The following SEC22A variants were observed in gnomAD, a reference collection of about 807,000 sequenced individuals.
SEC22A encodes SEC22 homolog A, vesicle trafficking protein, also known as vesicle-trafficking protein SEC22a.
SEC22A carries 22 observed loss-of-function variants against 35.3 expected under a neutral mutation model. The ratio of observed to expected loss-of-function variants is 0.62; its 90% confidence interval spans 0.45 to 0.89. The LOEUF (loss-of-function observed/expected upper bound fraction) is 0.89. SEC22A is among the 40% of genes least tolerant of loss of function. SEC22A has a pLI of 0.00. For synonymous variants in SEC22A, 119 were observed against 129.5 expected (o/e 0.92, Z 0.55); for missense variants, 354 against 362.5 (o/e 0.98, Z 0.19).
At position 123,246,130 on chromosome 3, in the gene SEC22A, T is replaced by G. The variant is rs1938706240; in HGVS notation, c.657+116T>G. The G allele has an allele frequency of 1.7e-5, 10 of 605,052 alleles. 1 individual carries two copies. The highest frequency in any genetic ancestry group is 3.0e-5 in the Non-Finnish European group (10 of 337,868). 37.5% of individuals were successfully genotyped at this position (605,052 alleles called of 1,614,324 possible). The stretch of plus-strand genomic sequence containing the variant: ...ATTTACAGTGCATACTCAAAATCTA[T>G]GTTTTTTTATATCTGCTTTAGCCTC... On this transcript the variant is annotated intron_variant, in intron 5 of 6. Transcript: ENST00000492595.
In SEC22A at chr3:123,271,803, G is replaced by C; in HGVS notation, c.*81G>C. ...ATAACTGCACTGTGATGAAGAAGCTGTTCCCCACAGAGGAGAAGCTCTGCT... is the reference window on the plus strand; with the variant it reads ...ATAACTGCACTGTGATGAAGAAGCTCTTCCCCACAGAGGAGAAGCTCTGCT... On this transcript the variant is annotated 3_prime_UTR_variant, in exon 7 of 7. Transcript: ENST00000492595. 8.6e-7 allele frequency: 1 copy of C among 1,158,170 alleles called. No homozygotes were observed. The highest frequency in any genetic ancestry group is 1.3e-6 in the Non-Finnish European group (1 of 797,946). The allele number at this position is 1,158,170 out of a possible 1,614,324, so 71.7% of individuals were successfully genotyped here. A position where few individuals can be genotyped will look rare whatever the true frequency, so the allele number is the denominator to read the frequency against.
At chr3:123,241,089 GTAT>G (rs1445218016) in intron 4 of SEC22A, among the ~76,000 whole-genome samples, 4 of 149,338 alleles carry the variant, frequency 2.7e-5, no homozygotes, top group Admixed American at 6.7e-5. Context: ...TTTCTCTAAA[GTAT>G]TATGCTAAAT....
At chr3:123,268,637 T>C (rs1372074458) in intron 6 of SEC22A, among the ~76,000 whole-genome samples, 1 of 152,216 alleles carries the variant, frequency 6.6e-6, no homozygotes, top group Admixed American at 6.5e-5. Context: ...TCATGATGTA[T>C]CTTCTAAGAA....
At chr3:123,257,790 A>G (rs1182458754) in intron 5 of SEC22A, among the ~76,000 whole-genome samples, 1 of 152,132 alleles carries the variant, frequency 6.6e-6, no homozygotes, top group Non-Finnish European at 1.5e-5. Context: ...GGAGATCGAG[A>G]CCATCCTGGC....
intron 6 of SEC22A, among the ~76,000 whole-genome samples, chr3:123,260,748 T>G (rs540273979): frequency 3.9e-4 from 60 of 152,186 alleles, no homozygotes; most frequent in Non-Finnish European, 7.9e-4. Flanking sequence ...TAGGGACGTA[T>G]TTTGAATATA....
chr3:123,244,391 A>C (rs981839625), intron 4 of SEC22A, among the ~76,000 whole-genome samples: 2 of 152,208 alleles, frequency 1.3e-5, no homozygotes, highest in Admixed American at 6.5e-5. Flanking sequence ...AAGGAGACTT[A>C]TGCTTTTTAA....
At chr3:123,247,756 A>C (rs1937578659) in intron 5 of SEC22A, among the ~76,000 whole-genome samples, 1 of 152,188 alleles carries the variant, frequency 6.6e-6, no homozygotes, top group Non-Finnish European at 1.5e-5. Context: ...GAGATTTCTC[A>C]GCCTATTATA....
At chr3:123,231,885 G>A (rs1937332560) in intron 4 of SEC22A, among the ~76,000 whole-genome samples, 1 of 152,136 alleles carries the variant, frequency 6.6e-6, no homozygotes, top group African/African-American at 2.4e-5. Context: ...CCAAAAGTTG[G>A]TTCTTTGAAA....
chr3:123,213,326 A>C (rs1936971622), intron 2 of SEC22A, among the ~76,000 whole-genome samples: 1 of 152,212 alleles, frequency 6.6e-6, no homozygotes. Context: ...TACCTGACTT[A>C]AAATTCTCAC....
intron 6 of SEC22A, among the ~76,000 whole-genome samples, chr3:123,263,106 A>T (rs959801746): frequency 1.3e-5 from 2 of 152,228 alleles, no homozygotes; most frequent in African/African-American, 4.8e-5. Context: ...TTACTAACGC[A>T]TTCTCCATTT....
At chr3:123,221,213 G>A (rs1018758762) in intron 2 of SEC22A, among the ~76,000 whole-genome samples, 1 of 151,756 alleles carries the variant, frequency 6.6e-6, no homozygotes, top group Non-Finnish European at 1.5e-5. Flanking sequence ...ACTTAGACCT[G>A]TAATCCCACC....
At chr3:123,262,510 A>G (rs1390097166) in intron 6 of SEC22A, among the ~76,000 whole-genome samples, 1 of 152,220 alleles carries the variant, frequency 6.6e-6, no homozygotes, top group Non-Finnish European at 1.5e-5. Context: ...CAAAAGTGAT[A>G]TGCACTCAGT....
intron 2 of SEC22A, among the ~76,000 whole-genome samples, chr3:123,216,880 G>T (rs1176036704): frequency 6.6e-6 from 1 of 152,188 alleles, no homozygotes; most frequent in Non-Finnish European, 1.5e-5. Flanking sequence ...CCAGGCAGGA[G>T]TACAGTGGCA....
At chr3:123,239,248 G>A (rs1360860041) in intron 4 of SEC22A, among the ~76,000 whole-genome samples, 1 of 152,182 alleles carries the variant, frequency 6.6e-6, no homozygotes, top group Non-Finnish European at 1.5e-5. Flanking sequence ...TCAGGAGGCA[G>A]AGGGAGCAGG....
intron 2 of SEC22A, among the ~76,000 whole-genome samples, chr3:123,209,874 C>T (rs192073409): frequency 1.3e-5 from 2 of 152,160 alleles, no homozygotes; most frequent in African/African-American, 4.8e-5. Context: ...GACATTTGAG[C>T]AGAGACCTAA....
intron 2 of SEC22A, among the ~76,000 whole-genome samples, chr3:123,217,383 ATT>A (rs11337123): frequency 1.0e-4 from 15 of 144,634 alleles, no homozygotes; most frequent in Admixed American, 1.4e-4. Context: ...GTATTTTTTT[ATT>A]TTTTTTTTTA....
In SEC22A at chr3:123,271,753, CAG is replaced by C; in HGVS notation, c.*32_*33del. 6.3e-7 allele frequency: 1 copy of C among 1,581,376 alleles called. No homozygotes were observed. ...TCCTTCAGATCTATTGCCTTGGCTT[CAG>C]GGGGATAAGGAGGGAACATATCATA... On this transcript the variant is annotated 3_prime_UTR_variant, in exon 7 of 7. Coordinates refer to ENST00000492595, the MANE Select transcript of SEC22A (RefSeq NM_012430.5).
intron 4 of SEC22A, among the ~76,000 whole-genome samples, chr3:123,229,861 C>CA (rs779270534): frequency 0.034 from 3,485 of 101,686 alleles, 55 homozygotes; most frequent in Non-Finnish European, 0.048. Context: ...GACTTCATCT[C>CA]AAAAAAAAAA....
At chr3:123,258,265 G>C (rs1937788615) in intron 5 of SEC22A, among the ~76,000 whole-genome samples, 1 of 152,032 alleles carries the variant, frequency 6.6e-6, no homozygotes, top group East Asian at 1.9e-4. Flanking sequence ...ATACAGAAAA[G>C]ACTGGAAGGA....
Sources: gnomAD v4.1 joint callset for allele counts (sites outside exome capture counted in the v4.1 genomes callset) on GRCh38, gnomAD v4.1.1 for gene constraint, MANE v1.5 for transcripts, NCBI Gene and HGNC (gene_info 2026-07-23, HGNC 2026-07-21) for gene names.